The following ADAMTSL1 variants were observed in gnomAD, a reference collection of about 807,000 sequenced individuals.
ADAMTSL1 encodes ADAMTS like 1.
Under a neutral mutation model 201.8 loss-of-function variants are expected in ADAMTSL1, and 126 were observed. The ratio of observed to expected loss-of-function variants is 0.62; its 90% confidence interval spans 0.54 to 0.72. The LOEUF (loss-of-function observed/expected upper bound fraction) is 0.72. Ranked by LOEUF, ADAMTSL1 falls within the 30% of genes least tolerant of loss-of-function variation. The pLI is 0.00. For synonymous variants in ADAMTSL1, 1,121 were observed against 903.4 expected (o/e 1.24, Z -4.32); for missense variants, 2,679 against 2,277.8 (o/e 1.18, Z -3.59).
In ADAMTSL1 at chr9:18,071,396, C is replaced by T. The variant is rs545248334; in HGVS notation, c.88-92466C>T. Among the ~76,000 whole-genome samples the T allele has an allele frequency of 2.0e-5, 3 of 152,268 alleles. No individual in the cohort carries two copies. The East Asian group carries it at 5.8e-4, about 29-fold the overall frequency. On this transcript the variant is annotated intron_variant, in intron 1 of 29. Transcript: ENST00000680146. ...CAAGATACTTGGAACAACAGGGGTT[C>T]CTGCCTTGTATAAAAGGATCTCCAT... is the stretch of plus-strand genomic sequence containing the variant.
intron 19 of ADAMTSL1, among the ~76,000 whole-genome samples, chr9:18,779,596 G>C (rs1821265979): frequency 6.6e-6 from 1 of 152,148 alleles, no homozygotes; most frequent in Non-Finnish European, 1.5e-5. Flanking sequence ...CTTTTAACCT[G>C]CCCCTCTGTC....
intron 2 of ADAMTSL1, among the ~76,000 whole-genome samples, chr9:18,271,229 C>A (rs1428787507): frequency 4.6e-5 from 7 of 151,998 alleles, no homozygotes. Context: ...ATGTGCACAA[C>A]GTGAAGGTTT....
At chr9:18,517,421 A>AT (rs144280249) in intron 2 of ADAMTSL1, among the ~76,000 whole-genome samples, 16,328 of 150,536 alleles carry the variant, frequency 0.11, 937 homozygotes, top group Middle Eastern at 0.16. Context: ...TTTTTAATTT[A>AT]TTTTTTTTTA....
intron 2 of ADAMTSL1, among the ~76,000 whole-genome samples, chr9:18,433,910 C>G (rs1018467863): frequency 7.9e-5 from 12 of 152,122 alleles, no homozygotes; most frequent in African/African-American, 2.9e-4. Flanking sequence ...TAATGCTTTG[C>G]TGTTTAGGGG....
chr9:18,087,782 G>C (rs1264043103), intron 1 of ADAMTSL1, among the ~76,000 whole-genome samples: 1 of 152,132 alleles, frequency 6.6e-6, no homozygotes, highest in African/African-American at 2.4e-5. Flanking sequence ...TAAGCAATTT[G>C]TATCAGTGTT....
At chr9:17,908,861 G>A (rs1198381139) in intron 1 of ADAMTSL1, among the ~76,000 whole-genome samples, 9 of 152,108 alleles carry the variant, frequency 5.9e-5, no homozygotes, top group African/African-American at 9.7e-5. Context: ...GGGTCAAATG[G>A]TATTTCTAGT....
At chr9:17,925,834 A>C (rs1166403353) in intron 1 of ADAMTSL1, among the ~76,000 whole-genome samples, 2 of 134,142 alleles carry the variant, frequency 1.5e-5, no homozygotes, top group Non-Finnish European at 1.6e-5. Flanking sequence ...GTGCACATGT[A>C]CCCTAAAACT....
chr9:18,631,821 A>G (rs183650347), intron 5 of ADAMTSL1, among the ~76,000 whole-genome samples: 1 of 152,352 alleles, frequency 6.6e-6, no homozygotes, highest in Non-Finnish European at 1.5e-5. Flanking sequence ...TGCAACCCAT[A>G]TCTGTGAAAT....
intron 10 of ADAMTSL1, among the ~76,000 whole-genome samples, 195 bp downstream of exon 10, chr9:18,676,102 A>G (rs1587866963): frequency 6.6e-6 from 1 of 152,140 alleles, no homozygotes; most frequent in Non-Finnish European, 1.5e-5. Flanking sequence ...CTTATCATTC[A>G]AAAACCACTT....
chr9:18,769,556 A>C (rs574148073), intron 16 of ADAMTSL1, among the ~76,000 whole-genome samples: 18 of 152,328 alleles, frequency 1.2e-4, no homozygotes, highest in African/African-American at 4.1e-4. Context: ...CAGAGCAGAT[A>C]TGGTGGTTTC....
At chr9:18,198,956 G>T (rs1387705776) in intron 2 of ADAMTSL1, among the ~76,000 whole-genome samples, 1 of 142,160 alleles carries the variant, frequency 7.0e-6, no homozygotes, top group Non-Finnish European at 1.5e-5. Context: ...CATGTCCTTT[G>T]CAGGGACATG....
intron 4 of ADAMTSL1, among the ~76,000 whole-genome samples, chr9:18,597,296 T>A (rs989592040): frequency 6.6e-6 from 1 of 152,224 alleles, no homozygotes; most frequent in Non-Finnish European, 1.5e-5. Flanking sequence ...TTTTGCTGTA[T>A]TCTAGGCTAG....
At chr9:18,020,925 C>T (rs568819421) in intron 1 of ADAMTSL1, among the ~76,000 whole-genome samples, 9 of 152,060 alleles carry the variant, frequency 5.9e-5, no homozygotes, top group Non-Finnish European at 1.3e-4. Context: ...TGTGGATATC[C>T]TTGGTGGTAT....
chr9:18,143,490 C>T lies in ADAMTSL1; in HGVS notation c.88-20372C>T, dbSNP rs542530865. ...GCTTAGCAGCGAATATCAGAGCTGC[C>T]GTGTGCTTTTGTGTTTTTTTTAAAG... is the stretch of plus-strand genomic sequence containing the variant. On this transcript the variant is annotated intron_variant, in intron 1 of 29. Transcript: ENST00000680146. Among the ~76,000 whole-genome samples, 8 of 131,522 alleles carry T rather than the reference C, an allele frequency of 6.1e-5. No homozygotes were observed. The East Asian group carries it at 1.3e-3, about 22-fold the overall frequency. The allele number at this position is 131,522 out of a possible 152,430, so 86.3% of individuals were successfully genotyped here.
intron 23 of ADAMTSL1, among the ~76,000 whole-genome samples, chr9:18,854,584 A>G (rs920345582): frequency 2.0e-5 from 3 of 152,208 alleles, no homozygotes; most frequent in Non-Finnish European, 4.4e-5. Context: ...CTATTCAAGA[A>G]TAGATGAATA....
At chr9:18,253,451 G>A (rs1831546845) in intron 2 of ADAMTSL1, among the ~76,000 whole-genome samples, 1 of 152,170 alleles carries the variant, frequency 6.6e-6, no homozygotes, top group Non-Finnish European at 1.5e-5. Flanking sequence ...CAAAGATAGT[G>A]TAAAAAACTA....
chr9:18,740,235 G>A (rs759905916), intron 15 of ADAMTSL1, among the ~76,000 whole-genome samples: 4 of 152,042 alleles, frequency 2.6e-5, no homozygotes, highest in African/African-American at 4.8e-5. Context: ...AGCACTCAGC[G>A]GATTAGGGGA....
chr9:18,449,800 GGCAAAT>G (rs1587249056), intron 2 of ADAMTSL1, among the ~76,000 whole-genome samples: 1 of 152,232 alleles, frequency 6.6e-6, no homozygotes, highest in East Asian at 1.9e-4. Flanking sequence ...TTAGTCATTA[GGCAAAT>G]GCACAGTAAA....
chr9:18,265,840 T>C (rs1006567824), intron 2 of ADAMTSL1, among the ~76,000 whole-genome samples: 1 of 152,166 alleles, frequency 6.6e-6, no homozygotes, highest in Admixed American at 6.5e-5. Context: ...CAATGTATTA[T>C]AAGTTTTCAG....
Sources: allele counts gnomAD v4.1 joint callset (sites outside exome capture counted in the v4.1 genomes callset), GRCh38; gene constraint gnomAD v4.1.1; transcripts MANE v1.5; gene names NCBI Gene and HGNC (gene_info 2026-07-23, HGNC 2026-07-21).